The following EIPR1 variants were observed in gnomAD, a reference collection of about 807,000 sequenced individuals.
The protein encoded by EIPR1 is EARP complex and GARP complex interacting protein 1.
Under a neutral mutation model 48.1 loss-of-function variants are expected in EIPR1, and 25 were observed. That is an observed-to-expected ratio of 0.52 (90% CI 0.38 to 0.73). The LOEUF is 0.73. EIPR1 is among the 30% of genes least tolerant of loss of function. The pLI, the probability that EIPR1 is intolerant of heterozygous loss-of-function variation, is 0.00. For missense variants in EIPR1, 415 were observed against 506.2 expected (o/e 0.82, Z 1.73); for synonymous variants, 204 against 201.9 (o/e 1.01, Z -0.09).
chr2:3,193,906 C>T, intron 7 of EIPR1, 93 bp downstream of exon 7: 5 of 1,440,268 alleles, frequency 3.5e-6, no homozygotes, highest in Non-Finnish European at 4.7e-6. Flanking sequence ...GCAGCACAAA[C>T]TAAGCTGGTT....
At chr2:3,317,521 C>T (rs941044) in intron 3 of EIPR1, among the ~76,000 whole-genome samples, 42,267 of 152,214 alleles carry the variant, frequency 0.28, 7,940 homozygotes, top group East Asian at 0.65. Flanking sequence ...GCGCATGAGG[C>T]GCTGACAGGC....
chr2:3,215,776 A>C (rs1027923772), intron 4 of EIPR1, among the ~76,000 whole-genome samples: 1 of 152,338 alleles, frequency 6.6e-6, no homozygotes, highest in Non-Finnish European at 1.5e-5. Flanking sequence ...AAGACTGTCT[A>C]TGGAGCTATT....
intron 3 of EIPR1, among the ~76,000 whole-genome samples, chr2:3,330,574 C>A (rs912555932): frequency 2.9e-5 from 3 of 104,280 alleles, no homozygotes; most frequent in African/African-American, 9.0e-5. Context: ...CGCACACTCA[C>A]GAGACAGTGT....
intron 5 of EIPR1, among the ~76,000 whole-genome samples, chr2:3,212,629 C>T (rs544519429): frequency 1.3e-5 from 2 of 152,268 alleles, no homozygotes; most frequent in East Asian, 3.9e-4. Flanking sequence ...AGGAAGGCAT[C>T]GCCTTCCACC....
chr2:3,348,542 G>C (rs534962813), intron 2 of EIPR1, among the ~76,000 whole-genome samples: 1 of 152,154 alleles, frequency 6.6e-6, no homozygotes, highest in Non-Finnish European at 1.5e-5. Flanking sequence ...AGCGAGCAAG[G>C]ACCCCAGAAA....
At chr2:3,257,192 C>A in intron 4 of EIPR1, 107 bp downstream of exon 4, 1 of 1,226,326 alleles carries the variant, frequency 8.2e-7, no homozygotes, top group Non-Finnish European at 1.1e-6. Flanking sequence ...AAGAAAGGAG[C>A]GTTTCCGAGG....
rs916073102 is a variant in EIPR1 at position 3,321,692 on chromosome 2, T to C, written c.259+16325A>G. 4.6e-5 allele frequency among the ~76,000 whole-genome samples: 7 copies of C among 152,362 alleles called. No homozygotes were observed. In the South Asian group the frequency reaches 1.4e-3, roughly 32 times the overall value. On this transcript the variant is annotated intron_variant, in intron 3 of 8. Coordinates refer to ENST00000382125, the MANE Select transcript of EIPR1 (RefSeq NM_003310.5). ...CAAGAACCATTGTATCTTGACTTTC[T>C]TGTTAATCTGTAGAGGAGGATACAG... is the stretch of plus-strand genomic sequence containing the variant.
At position 3,357,530 on chromosome 2, in the gene EIPR1, C is replaced by A. The variant is rs185232963; in HGVS notation, c.43-2897G>T. Among the ~76,000 whole-genome samples the A allele has an allele frequency of 6.2e-3, 944 of 152,344 alleles. 4 individuals are homozygous for A. Among genetic ancestry groups the A allele is most frequent in the Non-Finnish European group, 9.6e-3 (650 of 68,038 alleles). ...TGCACCTGTAACAACTGAGTCTTGG[C>A]CAATCCCAGCAGCCATACTTCAACC... On this transcript the variant is annotated intron_variant, in intron 1 of 8. Transcript: ENST00000382125.
intron 3 of EIPR1, among the ~76,000 whole-genome samples, chr2:3,321,381 G>A (rs1336482093): frequency 6.6e-6 from 1 of 152,184 alleles, no homozygotes; most frequent in Non-Finnish European, 1.5e-5. Flanking sequence ...CTTGAGTGCA[G>A]CAGAGCGTCC....
chr2:3,347,708 C>A (rs1670445751), intron 2 of EIPR1, among the ~76,000 whole-genome samples: 1 of 152,190 alleles, frequency 6.6e-6, no homozygotes, highest in South Asian at 2.1e-4. Flanking sequence ...TGGAAAAAAA[C>A]AATTAAAGAA....
chr2:3,304,034 CTG>C (rs1403160990), intron 3 of EIPR1, among the ~76,000 whole-genome samples: 1 of 152,250 alleles, frequency 6.6e-6, no homozygotes, highest in Non-Finnish European at 1.5e-5. Context: ...AAAATCCCCA[CTG>C]TGTGATTTGC....
At chr2:3,310,590 T>C (rs867835894) in intron 3 of EIPR1, among the ~76,000 whole-genome samples, 4 of 146,160 alleles carry the variant, frequency 2.7e-5, no homozygotes, top group Non-Finnish European at 4.5e-5. Context: ...GAGGCGGAGC[T>C]TGCAGTGAGC....
At chr2:3,374,572 T>C (rs1368539547) in intron 1 of EIPR1, among the ~76,000 whole-genome samples, 3 of 152,154 alleles carry the variant, frequency 2.0e-5, no homozygotes, top group Admixed American at 6.5e-5. Flanking sequence ...GGGCAAAGGA[T>C]ATGAGCAGAC....
intron 3 of EIPR1, among the ~76,000 whole-genome samples, chr2:3,305,654 G>A (rs184494657): frequency 4.3e-4 from 66 of 152,296 alleles, no homozygotes; most frequent in Middle Eastern, 3.4e-3. Flanking sequence ...TGCAGGAGAC[G>A]GGGAAAGACA....
At chr2:3,276,709 G>A (rs573313422) in intron 3 of EIPR1, among the ~76,000 whole-genome samples, 17 of 152,322 alleles carry the variant, frequency 1.1e-4, no homozygotes, top group Middle Eastern at 3.4e-3. Context: ...GGATGCTTTG[G>A]AAAGGTTTCC....
At chr2:3,374,521 A>G (rs549145488) in intron 1 of EIPR1, among the ~76,000 whole-genome samples, 2,487 of 152,272 alleles carry the variant, frequency 0.016, 72 homozygotes, top group African/African-American at 0.058. Context: ...ATGAACTCAA[A>G]CAAATTTACA....
chr2:3,339,939 G>A (rs1283678883), intron 2 of EIPR1, among the ~76,000 whole-genome samples: 1 of 152,234 alleles, frequency 6.6e-6, no homozygotes, highest in Non-Finnish European at 1.5e-5. Flanking sequence ...GACAGAGCGA[G>A]ACTCCGTCTC....
At chr2:3,310,749 G>A (rs1669107508) in intron 3 of EIPR1, among the ~76,000 whole-genome samples, 1 of 148,686 alleles carries the variant, frequency 6.7e-6, no homozygotes, top group Admixed American at 6.7e-5. Flanking sequence ...TTTAACGCAA[G>A]AATCTTCAGG....
chr2:3,267,404 AC>A (rs1438374631), intron 3 of EIPR1, among the ~76,000 whole-genome samples: 1 of 152,114 alleles, frequency 6.6e-6, no homozygotes, highest in Non-Finnish European at 1.5e-5. Context: ...CTTTTACCAC[AC>A]CCCACTAAAC....
Sources: gnomAD v4.1 joint callset for allele counts (sites outside exome capture counted in the v4.1 genomes callset) on GRCh38, gnomAD v4.1.1 for gene constraint, MANE v1.5 for transcripts, NCBI Gene and HGNC (gene_info 2026-07-23, HGNC 2026-07-21) for gene names.